Variants in STARD8 observed in about 807,000 individuals in gnomAD.
STARD8 encodes the protein StAR related lipid transfer domain containing 8.
Under a neutral mutation model 69.4 loss-of-function variants are expected in STARD8, and 25 were observed. That is an observed-to-expected ratio of 0.36 (90% confidence interval 0.26 to 0.50). The LOEUF (loss-of-function observed/expected upper bound fraction) is 0.50, where lower values mean the gene tolerates loss of function less well. Ranked by LOEUF, STARD8 falls within the 20% of genes least tolerant of loss-of-function variation. The pLI is 0.96. For missense variants in STARD8, 921 were observed against 932.5 expected (o/e 0.99, Z 0.16); for synonymous variants, 389 against 374.6 (o/e 1.04, Z -0.45).
chrX:68,717,659 C>T lies in STARD8; in HGVS notation c.745C>T (p.Arg249Cys), dbSNP rs772104488. The T allele has an allele frequency of 2.5e-6, 3 of 1,212,117 alleles. No homozygotes were observed. Among genetic ancestry groups the T allele is most frequent in the East Asian group, 3.0e-5 (1 of 33,837 alleles). The change falls in exon 6 of 15, where the codon CGT becomes TGT. Residue 249 changes from arginine to cysteine, a missense_variant. Physicochemically the swap from Arg to Cys is radical, Grantham distance 180 (BLOSUM62 -3). Coordinates refer to ENST00000374599, the MANE Select transcript of STARD8 (RefSeq NM_001142503.3). The stretch of plus-strand genomic sequence containing the variant: ...CAAAGCCTCATCTTTCCGCAGTTGT[C>T]GTGGCTTCCTCTCAGCTGGATTTTA... Reference protein sequence around the residue: ...VSKASSFRSCRGFLSAGFYRA... With the variant: ...VSKASSFRSCCGFLSAGFYRA...
At chrX:68,702,815 TAAAG>T (rs766743493) in intron 2 of STARD8, among the ~76,000 whole-genome samples, 35 of 110,984 alleles carry the variant, frequency 3.2e-4, no homozygotes, top group Admixed American at 7.6e-4. Flanking sequence ...AAAAAAAACT[TAAAG>T]AAATGTCTGG....
intron 1 of STARD8, among the ~76,000 whole-genome samples, chrX:68,653,483 A>C (rs1602536944): frequency 2.7e-4 from 6 of 22,527 alleles, no homozygotes; most frequent in Admixed American, 5.3e-4. Flanking sequence ...CCACACACAC[A>C]CCCCACACCC....
intron 6 of STARD8, 128 bp downstream of exon 6, chrX:68,718,757 C>T (rs1246951121): frequency 2.8e-6 from 3 of 1,071,877 alleles, no homozygotes; most frequent in Non-Finnish European, 3.6e-6. Flanking sequence ...TCACAGCCAG[C>T]TCAGGAGAGA....
At chrX:68,693,763 C>T in intron 2 of STARD8, 1 of 755,173 alleles carries the variant, frequency 1.3e-6, no homozygotes. Flanking sequence ...CCCTCCTGGG[C>T]TCGCCTCCTG....
chrX:68,666,696 T>A (rs1433080420), intron 2 of STARD8, among the ~76,000 whole-genome samples: 1 of 112,049 alleles, frequency 8.9e-6, no homozygotes, highest in Non-Finnish European at 1.9e-5. Flanking sequence ...AGGATTTATT[T>A]TGAAACAGGA....
intron 1 of STARD8, among the ~76,000 whole-genome samples, chrX:68,655,492 C>T (rs923816914): frequency 8.0e-5 from 9 of 111,805 alleles, no homozygotes; most frequent in Admixed American, 5.7e-4. Flanking sequence ...TATTGGCCCC[C>T]TATATGTGTG....
chrX:68,707,358 G>C (rs7884477), intron 2 of STARD8, among the ~76,000 whole-genome samples: 12,796 of 111,824 alleles, frequency 0.11, 1,728 homozygotes, highest in African/African-American at 0.39. Flanking sequence ...CCTGCACTCA[G>C]GTCTAGAGAG....
intron 2 of STARD8, among the ~76,000 whole-genome samples, chrX:68,677,586 G>A: frequency 9.0e-6 from 1 of 111,388 alleles, no homozygotes; most frequent in Non-Finnish European, 1.9e-5. Context: ...TCCTGCCCTG[G>A]TTCTGGGTAC....
chrX:68,653,446 T>C (rs757743844), intron 1 of STARD8, among the ~76,000 whole-genome samples: 86 of 3,999 alleles, frequency 0.022, no homozygotes, highest in East Asian at 0.052. Context: ...CACATACACC[T>C]CACACCACAC....
chrX:68,674,678 TG>T (rs1434090014), intron 2 of STARD8, among the ~76,000 whole-genome samples: 2 of 111,620 alleles, frequency 1.8e-5, no homozygotes, highest in Admixed American at 9.5e-5. Flanking sequence ...ATACAGTTTC[TG>T]GAAAATTCAT....
intron 2 of STARD8, among the ~76,000 whole-genome samples, chrX:68,689,303 G>GGC (rs58197006): frequency 9.4e-6 from 1 of 106,553 alleles, no homozygotes. Context: ...CGTTAGTGGG[G>GGC]TGCTCCATCT....
intron 2 of STARD8, among the ~76,000 whole-genome samples, chrX:68,700,597 T>C (rs750805304): frequency 2.2e-4 from 25 of 112,508 alleles, no homozygotes; most frequent in Non-Finnish European, 4.5e-4. Context: ...AGGTGTGAGA[T>C]AGGCACCTGC....
chrX:68,698,580 C>T (rs1010329978), intron 2 of STARD8, among the ~76,000 whole-genome samples: 5 of 102,629 alleles, frequency 4.9e-5, no homozygotes, highest in African/African-American at 1.1e-4. Flanking sequence ...TGGTAAGGGT[C>T]GGGCCAGGAC....
At chrX:68,670,084 G>A (rs999344166) in intron 2 of STARD8, among the ~76,000 whole-genome samples, 1 of 112,144 alleles carries the variant, frequency 8.9e-6, no homozygotes, top group African/African-American at 3.2e-5. Context: ...TACTTAGTTA[G>A]GGAGCATCTG....
intron 1 of STARD8, 80 bp downstream of exon 1, chrX:68,648,007 G>A: frequency 9.0e-7 from 1 of 1,107,536 alleles, no homozygotes; most frequent in Non-Finnish European, 1.2e-6. Flanking sequence ...CACCAGCTGG[G>A]AAAACGGACC....
chrX:68,658,290 C>T (rs2079623162), intron 1 of STARD8, among the ~76,000 whole-genome samples: 1 of 112,141 alleles, frequency 8.9e-6, no homozygotes, highest in South Asian at 3.7e-4. Context: ...TACTGAAACA[C>T]AGAAAGGTTT....
chrX:68,679,893 G>A (rs1318156307), intron 2 of STARD8, among the ~76,000 whole-genome samples: 1 of 111,823 alleles, frequency 8.9e-6, no homozygotes, highest in African/African-American at 3.3e-5. Context: ...ATGGCAGCTT[G>A]ACTTCCAACC....
intron 2 of STARD8, among the ~76,000 whole-genome samples, chrX:68,677,870 G>A (rs894769447): frequency 1.1e-4 from 9 of 85,183 alleles, no homozygotes; most frequent in Non-Finnish European, 1.7e-4. Context: ...CATATATATA[G>A]AGAGAGAGGA....
At chrX:68,653,379 CCA>C (rs1286389947) in intron 1 of STARD8, among the ~76,000 whole-genome samples, 458 of 36,008 alleles carry the variant, frequency 0.013, 4 homozygotes, top group African/African-American at 0.043. Context: ...GCACACCACA[CCA>C]CACACACACA....
Sources: allele counts gnomAD v4.1 joint callset (sites outside exome capture counted in the v4.1 genomes callset), GRCh38; gene constraint gnomAD v4.1.1; transcripts MANE v1.5; gene names NCBI Gene and HGNC (gene_info 2026-07-23, HGNC 2026-07-21).